SEC24B: variants seen among roughly 807,000 people sequenced by gnomAD.
SEC24B encodes protein transport protein Sec24B.
A neutral mutation model predicts 142.8 loss-of-function variants in SEC24B; 45 were observed. The observed-to-expected ratio is 0.32, with a 90% CI of 0.25 to 0.40. The LOEUF (loss-of-function observed/expected upper bound fraction) is 0.40. Ranked by LOEUF, SEC24B falls within the 10% of genes least tolerant of loss-of-function variation. The pLI, the probability that SEC24B is intolerant of heterozygous loss-of-function variation, is 1.00. For synonymous variants in SEC24B, 574 were observed against 568.2 expected, an observed-to-expected ratio of 1.01 and a Z score of -0.15; for missense variants, 1,409 against 1,526.8, an observed-to-expected ratio of 0.92 and a Z score of 1.29.
intron 11 of SEC24B, 24 bp downstream of exon 11, chr4:109,516,664 T>A (rs928620360): frequency 3.2e-6 from 4 of 1,244,428 alleles, no homozygotes; most frequent in Non-Finnish European, 2.3e-6. Flanking sequence ...TAATTCATAC[T>A]ATACATATGT....
chr4:109,449,674 C>T (rs1190021703), intron 1 of SEC24B, among the ~76,000 whole-genome samples: 4 of 152,062 alleles, frequency 2.6e-5, no homozygotes, highest in Admixed American at 2.6e-4. Context: ...AGATCTCTCT[C>T]TTCTTTTTAT....
chr4:109,477,140 T>TAAAAA (rs759331468), intron 3 of SEC24B, among the ~76,000 whole-genome samples: 185 of 54,144 alleles, frequency 3.4e-3, no homozygotes, highest in Middle Eastern at 0.01. Flanking sequence ...CCGTCTCAAA[T>TAAAAA]AAAAAAAAAA....
At chr4:109,506,834 A>T (rs1249339939) in intron 7 of SEC24B, among the ~76,000 whole-genome samples, 1 of 152,154 alleles carries the variant, frequency 6.6e-6, no homozygotes. Context: ...ATAACTTCTG[A>T]TATCTTTTCA....
chr4:109,444,575 A>T (rs1729264763), intron 1 of SEC24B, among the ~76,000 whole-genome samples: 1 of 150,938 alleles, frequency 6.6e-6, no homozygotes, highest in African/African-American at 2.4e-5. Context: ...CAAGAGAATC[A>T]GTTTTCCTTT....
At chr4:109,495,449 G>C (rs1000623130) in intron 6 of SEC24B, among the ~76,000 whole-genome samples, 5 of 152,298 alleles carry the variant, frequency 3.3e-5, no homozygotes, top group African/African-American at 1.2e-4. Context: ...TGGAGTTTAT[G>C]GGTGGAAGTT....
At chr4:109,475,501 T>C (rs2125968069) in intron 3 of SEC24B, among the ~76,000 whole-genome samples, 1 of 152,344 alleles carries the variant, frequency 6.6e-6, no homozygotes, top group East Asian at 1.9e-4. Flanking sequence ...TTTTTCTGTT[T>C]TTAGGGGAGA....
At chr4:109,515,516 C>T (rs781312344) in intron 10 of SEC24B, among the ~76,000 whole-genome samples, 2 of 152,046 alleles carry the variant, frequency 1.3e-5, no homozygotes, top group Non-Finnish European at 2.9e-5. Context: ...AAGCTAGAGA[C>T]AAGGTTTTAC....
chr4:109,469,843 A>G (rs985799944), intron 2 of SEC24B, among the ~76,000 whole-genome samples: 1 of 152,238 alleles, frequency 6.6e-6, no homozygotes, highest in East Asian at 1.9e-4. Flanking sequence ...ACAACATGAA[A>G]AAAAGAAAAA....
intron 1 of SEC24B, among the ~76,000 whole-genome samples, chr4:109,444,722 A>G (rs895020539): frequency 7.9e-5 from 12 of 152,116 alleles, no homozygotes; most frequent in African/African-American, 2.7e-4. Context: ...TTGCTGGCAC[A>G]TGATATATCA....
rs1487350337 is a variant in SEC24B at position 109,494,698 on chromosome 4, G to A, written c.1330G>A (p.Ala444Thr). 1.2e-6 allele frequency: 2 copies of A among 1,614,146 alleles called. No individual in the cohort carries two copies. The highest frequency in any genetic ancestry group is 1.7e-6 in the Non-Finnish European group (2 of 1,180,026). Residue 444 changes from alanine to threonine, a missense_variant, in exon 6 of 24, where the codon GCT (alanine) becomes ACT (threonine). Coordinates refer to ENST00000265175, the MANE Select transcript of SEC24B (RefSeq NM_006323.5). ...TGCTTCTGCTCCAGCTCCAGCTTCA[G>A]CTCCAGCTCCTGTCGTCCCTCAGCC... ...DPASAPAPAS[A>T]PAPVVPQPSK...
At chr4:109,520,609 A>G in intron 12 of SEC24B, 125 bp downstream of exon 12, 1 of 705,452 alleles carries the variant, frequency 1.4e-6, no homozygotes, top group South Asian at 1.6e-5. Flanking sequence ...TTTGTTCAAA[A>G]TAATTGTTTT....
rs749169834 is a variant in SEC24B, at chr4:109,463,039, A to G, written c.272A>G (p.Tyr91Cys). 5.0e-6 allele frequency: 8 copies of G among 1,614,022 alleles called. No individual in the cohort carries two copies. Among genetic ancestry groups the G allele is most frequent in the South Asian group, 2.2e-5 (2 of 91,076 alleles). Residue 91 changes from tyrosine (Y) to cysteine (C), a missense_variant, in exon 2 of 24, where the codon TAC becomes TGC. Tyr to Cys is a radical substitution (Grantham distance 194). Coordinates refer to ENST00000265175, the MANE Select transcript of SEC24B (RefSeq NM_006323.5). ...TTGGATACCCAGTGTGGTGATTACTACTCTGCTCTCTATACAGTACCAACA... is the reference window on the plus strand; with the variant it reads ...TTGGATACCCAGTGTGGTGATTACTGCTCTGCTCTCTATACAGTACCAACA... ...LPLDTQCGDY[Y>C]SALYTVPTQN...
chr4:109,534,475 T>G (rs1397154528), intron 22 of SEC24B, among the ~76,000 whole-genome samples: 13 of 151,846 alleles, frequency 8.6e-5, no homozygotes, highest in Admixed American at 8.5e-4. Flanking sequence ...TAGTCCCAGC[T>G]ACTCTGGAGG....
intron 7 of SEC24B, among the ~76,000 whole-genome samples, chr4:109,507,623 A>G (rs1736836583): frequency 6.6e-6 from 1 of 151,474 alleles, no homozygotes; most frequent in South Asian, 2.1e-4. Flanking sequence ...TTTAGAGCCA[A>G]TATTTCCTCT....
At chr4:109,506,239 T>G in intron 6 of SEC24B, 89 bp from the exon 7 acceptor site, 1 of 956,974 alleles carries the variant, frequency 1.0e-6, no homozygotes, top group Non-Finnish European at 1.4e-6. Context: ...ACCTTTTTGC[T>G]TTTTCTGTAT....
chr4:109,519,568 A>G (rs1327758429), intron 11 of SEC24B, among the ~76,000 whole-genome samples: 1 of 152,212 alleles, frequency 6.6e-6, no homozygotes, highest in African/African-American at 2.4e-5. Flanking sequence ...CTAGCCAGTA[A>G]CAAATGACCC....
In SEC24B at chr4:109,511,996, C is replaced by G. The variant is rs993566753; in HGVS notation, c.1816C>G (p.Arg606Gly). The G allele has an allele frequency of 6.2e-7, 1 of 1,613,428 alleles. No individual in the cohort carries two copies. The highest frequency in any genetic ancestry group is 8.5e-7 in the Non-Finnish European group (1 of 1,179,628). ...VITSNTIVRC[R>G]SCRTYINPFV... ...AACATCAAATACCATTGTGAGGTGC[C>G]GATCCTGTCGAACGTATATTAACCC... The change falls in exon 9 of 24, where the codon CGA (arginine) becomes GGA (glycine). Residue 606 changes from arginine to glycine, a missense_variant. This residue lies in a region of SEC24B where 700 missense variants were observed against 853.3 expected (regional missense o/e 0.82). Transcript: ENST00000265175.
At chr4:109,488,054 T>C (rs750398545) in intron 4 of SEC24B, among the ~76,000 whole-genome samples, 10 of 152,178 alleles carry the variant, frequency 6.6e-5, no homozygotes, top group South Asian at 4.1e-4. Context: ...TTTCTTGATA[T>C]ATACATTTAA....
At chr4:109,480,775 G>A (rs184783108) in intron 3 of SEC24B, among the ~76,000 whole-genome samples, 90 of 152,252 alleles carry the variant, frequency 5.9e-4, no homozygotes, top group Non-Finnish European at 1.0e-3. Context: ...CACCATGCCC[G>A]GCCTTCATTT....
Sources: allele counts gnomAD v4.1 joint callset (sites outside exome capture counted in the v4.1 genomes callset), GRCh38; gene constraint gnomAD v4.1.1; regional missense constraint gnomAD v4.1.1; transcripts MANE v1.5; gene names NCBI Gene and HGNC (gene_info 2026-07-23, HGNC 2026-07-21).